The following MLPH variants were observed in gnomAD, a reference collection of about 807,000 sequenced individuals.
MLPH encodes the protein exophilin-3.
In MLPH, 51 loss-of-function variants were observed where a neutral mutation model predicts 72.1. The ratio of observed to expected loss-of-function variants is 0.71; its 90% confidence interval spans 0.56 to 0.89. MLPH has a LOEUF of 0.89. Ranked by LOEUF, MLPH falls within the 40% of genes least tolerant of loss-of-function variation. MLPH has a pLI of 0.00. For missense variants in MLPH, 743 were observed against 759.9 expected (o/e 0.98, Z 0.26); for synonymous variants, 301 against 310.1 (o/e 0.97, Z 0.31).
chr2:237,499,806 G>A (rs779556294), intron 2 of MLPH, among the ~76,000 whole-genome samples: 1 of 152,020 alleles, frequency 6.6e-6, no homozygotes, highest in African/African-American at 2.4e-5. Flanking sequence ...GTGCAGTGGC[G>A]TGATCATGGC....
chr2:237,535,563 C>G (rs59874620), intron 9 of MLPH, among the ~76,000 whole-genome samples: 1,857 of 152,082 alleles, frequency 0.012, 47 homozygotes, highest in East Asian at 0.091. Flanking sequence ...GAGTAGGGAC[C>G]CAGTCCTCCA....
chr2:237,516,834 T>TGGATGGTA (rs2080033765), intron 4 of MLPH, among the ~76,000 whole-genome samples: 1 of 125,458 alleles, frequency 8.0e-6, no homozygotes, highest in South Asian at 3.3e-4. Context: ...GATGGTAGGA[T>TGGATGGTA]GGATGGATGG....
At chr2:237,546,227 G>C (rs149193854) in intron 12 of MLPH, among the ~76,000 whole-genome samples, 2,167 of 152,292 alleles carry the variant, frequency 0.014, 21 homozygotes, top group South Asian at 0.039. Context: ...TTACAGAAGC[G>C]ATAGGGGAAA....
chr2:237,542,713 G>C, intron 12 of MLPH, 54 bp downstream of exon 12: 2 of 1,340,466 alleles, frequency 1.5e-6, no homozygotes, highest in East Asian at 2.7e-5. Flanking sequence ...GGGCAGTGGT[G>C]AGTGGCGGAC....
At chr2:237,499,880 G>C (rs986834965) in intron 2 of MLPH, among the ~76,000 whole-genome samples, 1 of 152,008 alleles carries the variant, frequency 6.6e-6, no homozygotes, top group African/African-American at 2.4e-5. Flanking sequence ...GAGAAGCTGA[G>C]ACTACAGGCA....
intron 2 of MLPH, among the ~76,000 whole-genome samples, chr2:237,495,705 C>T (rs531098732): frequency 3.9e-5 from 6 of 152,288 alleles, no homozygotes; most frequent in African/African-American, 1.4e-4. Context: ...ACCAGTCACC[C>T]CTGGATTTCA....
intron 8 of MLPH, among the ~76,000 whole-genome samples, chr2:237,528,072 G>A (rs1450566123): frequency 6.6e-6 from 1 of 152,182 alleles, no homozygotes; most frequent in Non-Finnish European, 1.5e-5. Flanking sequence ...GAGGTTCTTA[G>A]TCAAATTAAT....
At chr2:237,520,338 A>G (rs1027611522) in intron 6 of MLPH, among the ~76,000 whole-genome samples, 6 of 152,004 alleles carry the variant, frequency 3.9e-5, no homozygotes, top group Non-Finnish European at 7.4e-5. Flanking sequence ...GAAATAAGGC[A>G]GAACCCCCGA....
At chr2:237,533,218 A>ATCTTCAAG (rs1439650550) in intron 8 of MLPH, among the ~76,000 whole-genome samples, 17 of 152,156 alleles carry the variant, frequency 1.1e-4, no homozygotes, top group Admixed American at 4.6e-4. Context: ...AGTGGGAGCT[A>ATCTTCAAG]GAGTTATCTT....
chr2:237,505,004 G>T lies in MLPH; in HGVS notation c.111-5570G>T, dbSNP rs1248708609. On this transcript the variant is annotated intron_variant, in intron 2 of 15. Coordinates refer to ENST00000264605, the MANE Select transcript of MLPH (RefSeq NM_024101.7). This position sits in a 1 kb window ranked among gnomAD's most constrained non-coding sequence, Gnocchi z 4.5. ...CTCCCAGACTCTGCTCACTTACCGG[G>T]TCTCTGTTCCTGGCTCAGCTTCTCT... Among the ~76,000 whole-genome samples, 2 of 152,192 alleles carry T rather than the reference G, an allele frequency of 1.3e-5. No individual in the cohort carries two copies. Among genetic ancestry groups the T allele is most frequent in the African/African-American group, 2.4e-5 (1 of 41,450 alleles).
rs6707766 is a variant in MLPH at position 237,505,757 on chromosome 2, C to T, written c.111-4817C>T. Among the ~76,000 whole-genome samples the T allele has an allele frequency of 9.7e-4, 148 of 152,320 alleles. 1 individual carries two copies. Among genetic ancestry groups the T allele is most frequent in the African/African-American group, 3.4e-3 (142 of 41,566 alleles). On this transcript the variant is annotated intron_variant, in intron 2 of 15. Transcript: ENST00000264605. The surrounding 1 kb of genome is among the most constrained non-coding windows in gnomAD (Gnocchi z 4.5). ...AGAAGCGTTTTCCTTCCCTGGTATA[C>T]GCCCTTTCTTCAGAGGCTGCCGGGC...
intron 1 of MLPH, among the ~76,000 whole-genome samples, chr2:237,488,307 C>T (rs150796766): frequency 7.9e-5 from 12 of 152,286 alleles, no homozygotes; most frequent in Non-Finnish European, 1.3e-4. Context: ...GGCTTCTGGA[C>T]TTGCAGACCG....
chr2:237,549,239 C>G lies in MLPH; in HGVS notation c.1636C>G (p.Leu546Val). The G allele has an allele frequency of 6.2e-7, 1 of 1,614,160 alleles. No homozygotes were observed. The highest frequency in any genetic ancestry group is 8.5e-7 in the Non-Finnish European group (1 of 1,180,002). The change falls in exon 14 of 16, where the codon CTT becomes GTT. Residue 546 changes from leucine (L) to valine (V), a missense_variant. Leu to Val is a conservative substitution (Grantham distance 32). Coordinates refer to ENST00000264605, the MANE Select transcript of MLPH (RefSeq NM_024101.7). ...CTTCTAGGCAATGGCTGTGCCCTAT[C>G]TTCTGAGAAGAAAGTTCAGTAATTC... ...SEAKAMAVPY[L>V]LRRKFSNSLK...
In MLPH at chr2:237,554,208, G is replaced by C. The variant is rs2081090655; in HGVS notation, c.*616G>C. The C allele has an allele frequency of 4.9e-6, 1 of 204,018 alleles. No homozygotes were observed. The highest frequency in any genetic ancestry group is 1.0e-5 in the Non-Finnish European group (1 of 99,174). The allele number at this position is 204,018 out of a possible 1,614,324, so 12.6% of individuals were successfully genotyped here. Reference sequence around the variant, plus strand: ...GTAGACCAGGGGAAATTACACTGCGGTCAAGGGCAGAGCCTGCACATGACA... The same window carrying C: ...GTAGACCAGGGGAAATTACACTGCGCTCAAGGGCAGAGCCTGCACATGACA... On this transcript the variant is annotated 3_prime_UTR_variant, in exon 16 of 16. Transcript: ENST00000264605.
chr2:237,494,936 G>A (rs1210802836), intron 2 of MLPH, among the ~76,000 whole-genome samples: 1 of 152,208 alleles, frequency 6.6e-6, no homozygotes, highest in Non-Finnish European at 1.5e-5. Context: ...CAGCTGTCCT[G>A]CAGTTCTGCA....
intron 14 of MLPH, among the ~76,000 whole-genome samples, chr2:237,551,030 C>T (rs1053995739): frequency 1.3e-5 from 2 of 152,250 alleles, no homozygotes; most frequent in East Asian, 3.8e-4. Context: ...AAAGGCAAAG[C>T]TGAGGCCTGA....
rs142358632 is a variant in MLPH, at chr2:237,505,707, G to A, written c.111-4867G>A. Among the ~76,000 whole-genome samples the A allele has an allele frequency of 2.0e-4, 31 of 152,268 alleles. No homozygotes were observed. In the East Asian group the frequency reaches 3.7e-3, roughly 18 times the overall value. ...CCTGTCCAGACCCCATCATAGGAGC[G>A]GCCTTTCCTTCCTGTTCCCGTCCTA... is the stretch of plus-strand genomic sequence containing the variant. On this transcript the variant is annotated intron_variant, in intron 2 of 15. Coordinates refer to ENST00000264605, the MANE Select transcript of MLPH (RefSeq NM_024101.7). This position sits in a 1 kb window ranked among gnomAD's most constrained non-coding sequence, Gnocchi z 4.5.
rs940440509 is a variant in MLPH, at chr2:237,527,473, C to G, written c.977C>G (p.Ser326Cys). The change falls in exon 8 of 16, where the codon TCC becomes TGC. Residue 326 changes from serine (S) to cysteine (C), a missense_variant. Physicochemically the swap from Ser to Cys is moderately radical, Grantham distance 112. Coordinates refer to ENST00000264605, the MANE Select transcript of MLPH (RefSeq NM_024101.7). ...AGCATCCGGGCTCACGTGATGGCCT[C>G]CCACCATTCCAAGCGGAGAGGCCGG... ...EESIRAHVMA[S>C]HHSKRRGRAS... 4 of 1,614,058 alleles carry G rather than the reference C, an allele frequency of 2.5e-6. No individual in the cohort carries two copies. In the African/African-American group the frequency reaches 4.0e-5, roughly 16 times the overall value.
At chr2:237,548,327 G>C (rs142541506) in intron 13 of MLPH, among the ~76,000 whole-genome samples, 23 of 152,346 alleles carry the variant, frequency 1.5e-4, no homozygotes, top group African/African-American at 5.0e-4. Context: ...CCAGACACCA[G>C]GAGAAATTTC....
Sources: gnomAD v4.1 joint callset for allele counts (sites outside exome capture counted in the v4.1 genomes callset) on GRCh38, gnomAD v4.1.1 for gene constraint, Gnocchi (gnomAD v3.1) non-coding constraint, MANE v1.5 for transcripts, NCBI Gene and HGNC (gene_info 2026-07-23, HGNC 2026-07-21) for gene names.